HERC5: variants seen among roughly 807,000 people sequenced by gnomAD.
HERC5 encodes HECT and RLD domain containing E3 ubiquitin protein ligase 5, also known as E3 ISG15--protein ligase HERC5.
Under a neutral mutation model 119.6 loss-of-function variants are expected in HERC5, and 99 were observed. The observed-to-expected ratio is 0.83, with a 90% CI of 0.70 to 0.98. The LOEUF (loss-of-function observed/expected upper bound fraction) is 0.98. Among genes scored for constraint, HERC5 ranks in the 50% least tolerant of loss-of-function variants. The pLI is 0.00. For missense variants in HERC5, 1,267 were observed against 1,241.3 expected (o/e 1.02, Z -0.31); for synonymous variants, 478 against 445.9 (o/e 1.07, Z -0.91).
chr4:88,473,688 T>C (rs535803372), intron 11 of HERC5: 77 of 152,330 alleles, frequency 5.1e-4, no homozygotes, highest in African/African-American at 1.8e-3. Context: ...TCTTTTGTTT[T>C]CTAAAATCCT....
chr4:88,494,305 G>T lies in HERC5; in HGVS notation c.2418G>T (p.Leu806Phe). The T allele has an allele frequency of 6.2e-7, 1 of 1,613,240 alleles. No homozygotes were observed. Among genetic ancestry groups the T allele is most frequent in the Non-Finnish European group, 8.5e-7 (1 of 1,179,744 alleles). The change falls in exon 18 of 23, where the codon TTG becomes TTT. Residue 806 changes from leucine to phenylalanine, a missense_variant. By Grantham distance (22) the Leu-to-Phe change is conservative. Coordinates refer to ENST00000264350, the MANE Select transcript of HERC5 (RefSeq NM_016323.4). ...LLDQMPSLED[L>F]KELSPDLGKN... ...ACCAAATGCCATCATTGGAAGACTT[G>T]AAAGAACTCAGTCCTGATTTGGGAA...
intron 3 of HERC5, among the ~76,000 whole-genome samples, chr4:88,460,945 G>A (rs1261039919): frequency 1.3e-5 from 2 of 152,198 alleles, no homozygotes; most frequent in East Asian, 1.9e-4. Context: ...AGCCATGATC[G>A]TGCCACTGCA....
chr4:88,475,067 A>C (rs1295832874), intron 11 of HERC5, among the ~76,000 whole-genome samples: 1 of 151,540 alleles, frequency 6.6e-6, no homozygotes, highest in African/African-American at 2.4e-5. Context: ...CTCTTATGGA[A>C]GATAATGAGA....
chr4:88,493,109 T>C lies in HERC5; in HGVS notation c.2231T>C (p.Met744Thr). Residue 744 changes from methionine (M) to threonine (T), a missense_variant, in exon 17 of 23, where the codon ATG (methionine) becomes ACG (threonine). Coordinates refer to ENST00000264350, the MANE Select transcript of HERC5 (RefSeq NM_016323.4). ...GAGATGATCCAGCCGGAATATGGGATGTTCATGTATCCTGAAGGGGCTTCC... is the reference window on the plus strand; with the variant it reads ...GAGATGATCCAGCCGGAATATGGGACGTTCATGTATCCTGAAGGGGCTTCC... Reference protein sequence around the residue: ...FAEMIQPEYGMFMYPEGASCM... With the variant: ...FAEMIQPEYGTFMYPEGASCM... 1 of 1,614,114 alleles carries C rather than the reference T, an allele frequency of 6.2e-7. No homozygotes were observed. Among genetic ancestry groups the C allele is most frequent in the Non-Finnish European group, 8.5e-7 (1 of 1,179,988 alleles).
At chr4:88,459,606 G>A in intron 2 of HERC5, 136 bp downstream of exon 2, 1 of 562,718 alleles carries the variant, frequency 1.8e-6, no homozygotes, top group Non-Finnish European at 3.0e-6. Flanking sequence ...GAACTGACCA[G>A]TAAAGTCCTT....
chr4:88,459,544 G>T, intron 2 of HERC5, 74 bp downstream of exon 2: 8 of 987,506 alleles, frequency 8.1e-6, no homozygotes, highest in Non-Finnish European at 1.2e-5. Flanking sequence ...GGAAATATCT[G>T]ATTCTTGTCC....
At chr4:88,488,447 G>A (rs551879096) in intron 15 of HERC5, among the ~76,000 whole-genome samples, 2 of 151,958 alleles carry the variant, frequency 1.3e-5, no homozygotes, top group Non-Finnish European at 2.9e-5. Flanking sequence ...GGCCAGGCTG[G>A]TCTCAAACTC....
chr4:88,505,731 A>G lies in HERC5; in HGVS notation c.2928A>G (p.Thr976=). The G allele has an allele frequency of 6.3e-7, 1 of 1,599,190 alleles. No individual in the cohort carries two copies. Among genetic ancestry groups the G allele is most frequent in the Non-Finnish European group, 8.6e-7 (1 of 1,166,832 alleles). ...AAGATTTAAATAATATGAAAATAAC[A>G]TTTTGCTGTCCTGAAAGTTGGAATG... The part of the protein sequence containing the change: ...QMKDLNNMKI[T]FCCPESWNER... The change falls in exon 23 of 23, where the codon ACA becomes ACG. Residue 976 remains threonine (T), a synonymous_variant. Coordinates refer to ENST00000264350, the MANE Select transcript of HERC5 (RefSeq NM_016323.4).
At chr4:88,495,270 A>G (rs1027345375) in intron 18 of HERC5, among the ~76,000 whole-genome samples, 1 of 152,206 alleles carries the variant, frequency 6.6e-6, no homozygotes, top group African/African-American at 2.4e-5. Flanking sequence ...AGAACAGGCC[A>G]GGCATGATGG....
chr4:88,464,085 AT>A, intron 6 of HERC5, 100 bp downstream of exon 6: 1 of 992,358 alleles, frequency 1.0e-6, no homozygotes, highest in Non-Finnish European at 1.4e-6. Flanking sequence ...TGTATCAAAC[AT>A]TTTCAAATCA....
chr4:88,499,976 T>C lies in HERC5; in HGVS notation c.2495T>C (p.Phe832Ser). ...GAAGGTGATAACTTTGAGGAAGTAT[T>C]TTACATCCATTTTAATGTGAGTAAC... ...DDEGDNFEEVFYIHFNVHWDR... is the reference protein window; with the variant it reads ...DDEGDNFEEVSYIHFNVHWDR... The change falls in exon 19 of 23, where the codon TTT (phenylalanine) becomes TCT (serine). Residue 832 changes from phenylalanine (F) to serine (S), a missense_variant. Physicochemically the swap from Phe to Ser is radical, Grantham distance 155. This residue lies in a region of HERC5 where 473 missense variants were observed against 445.7 expected (regional missense o/e 1.06). Transcript: ENST00000264350. The C allele has an allele frequency of 1.3e-6, 2 of 1,599,264 alleles. No homozygotes were observed. Among genetic ancestry groups the C allele is most frequent in the Non-Finnish European group, 1.7e-6 (2 of 1,166,776 alleles).
rs752899204 is a variant in HERC5 at position 88,459,447 on chromosome 4, C to G, written c.366C>G (p.Asp122Glu). Residue 122 changes from aspartate (D) to glutamate (E), a missense_variant, in exon 2 of 23, where the codon GAC becomes GAG. By Grantham distance (45) the Asp-to-Glu change is conservative. This residue lies in a region of HERC5 where 777 missense variants were observed against 758.0 expected (regional missense o/e 1.03). Transcript: ENST00000264350. Reference sequence around the variant, plus strand: ...CAGATGGAAAACCATTTGAGTATGACAACTATAGCATGAAACATCTAAGGT... The same window carrying G: ...CAGATGGAAAACCATTTGAGTATGAGAACTATAGCATGAAACATCTAAGGT... ...LSSDGKPFEYDNYSMKHLRFE... is the reference protein window; with the variant it reads ...LSSDGKPFEYENYSMKHLRFE... 1.3e-6 allele frequency: 2 copies of G among 1,569,224 alleles called. No individual in the cohort carries two copies.
chr4:88,490,966 G>A (rs527696893), intron 16 of HERC5, among the ~76,000 whole-genome samples: 1 of 152,232 alleles, frequency 6.6e-6, no homozygotes, highest in African/African-American at 2.4e-5. Flanking sequence ...CAGTCTACTC[G>A]ATTATTTGAG....
At chr4:88,493,613 T>G (rs1741712551) in intron 17 of HERC5, among the ~76,000 whole-genome samples, 1 of 152,104 alleles carries the variant, frequency 6.6e-6, no homozygotes, top group Admixed American at 6.6e-5. Flanking sequence ...TGTTTTGTTT[T>G]GCTTTATTTT....
chr4:88,505,632 T>G, intron 22 of HERC5, 41 bp from the exon 23 acceptor site: 2 of 1,186,436 alleles, frequency 1.7e-6, no homozygotes, highest in Non-Finnish European at 2.4e-6. Context: ...GATTTTGGTC[T>G]CCATGTAAAA....
At chr4:88,463,016 TG>T (rs1268529043) in intron 4 of HERC5, among the ~76,000 whole-genome samples, 2 of 152,222 alleles carry the variant, frequency 1.3e-5, no homozygotes, top group Non-Finnish European at 2.9e-5. Context: ...CACAGTGCAA[TG>T]GTCATTACAC....
At chr4:88,465,537 G>A (rs556389454) in intron 6 of HERC5, among the ~76,000 whole-genome samples, 83 of 152,304 alleles carry the variant, frequency 5.4e-4, no homozygotes, top group African/African-American at 1.8e-3. Context: ...CACCAAAGAA[G>A]CGTTCTCTTC....
chr4:88,481,579 C>T (rs1008393276), intron 13 of HERC5, among the ~76,000 whole-genome samples: 1 of 151,974 alleles, frequency 6.6e-6, no homozygotes, highest in East Asian at 1.9e-4. Flanking sequence ...TTTTTTCTCC[C>T]ATAAAGGTTT....
In HERC5 at chr4:88,479,357, G is replaced by A; in HGVS notation, c.1587G>A (p.Glu529=). The change falls in exon 13 of 23, where the codon GAG becomes GAA. Residue 529 remains glutamate, a synonymous_variant. Coordinates refer to ENST00000264350, the MANE Select transcript of HERC5 (RefSeq NM_016323.4). The part of the protein sequence containing the change: ...MSDQSSLVLE[E]YWATLQESTF... ...TGCTTTCCTTGTGTTCCTCAGAAGA[G>A]TATTGGGCAACTCTGCAAGAATCCA... 6.3e-7 allele frequency: 1 copy of A among 1,594,328 alleles called. No individual in the cohort carries two copies. The highest frequency in any genetic ancestry group is 8.5e-7 in the Non-Finnish European group (1 of 1,174,182).
Sources: allele counts gnomAD v4.1 joint callset (sites outside exome capture counted in the v4.1 genomes callset), GRCh38; gene constraint gnomAD v4.1.1; regional missense constraint gnomAD v4.1.1; transcripts MANE v1.5; gene names NCBI Gene and HGNC (gene_info 2026-07-23, HGNC 2026-07-21).